The following CDK14 variants were observed in gnomAD, a reference collection of about 807,000 sequenced individuals.
CDK14 encodes cyclin dependent kinase 14, also known as cyclin-dependent kinase 14.
In CDK14, 34 loss-of-function variants were observed where a neutral mutation model predicts 60.7. The ratio of observed to expected loss-of-function variants is 0.56; its 90% CI spans 0.43 to 0.75. CDK14 has a LOEUF of 0.75. Among genes scored for constraint, CDK14 ranks in the 30% least tolerant of loss-of-function variants. The pLI is 0.00. For synonymous variants in CDK14, 197 were observed against 203.7 expected, an observed-to-expected ratio of 0.97 and a Z score of 0.28; for missense variants, 482 against 564.1, an observed-to-expected ratio of 0.85 and a Z score of 1.47.
At chr7:90,635,096 T>G (rs1422147094) in intron 2 of CDK14, among the ~76,000 whole-genome samples, 1 of 152,078 alleles carries the variant, frequency 6.6e-6, no homozygotes, top group Non-Finnish European at 1.5e-5. Flanking sequence ...CTGTTCACTC[T>G]GATGGTAGTT....
At chr7:90,657,239 G>T (rs1354802478) in intron 2 of CDK14, among the ~76,000 whole-genome samples, 1 of 152,120 alleles carries the variant, frequency 6.6e-6, no homozygotes, top group African/African-American at 2.4e-5. Context: ...CTATTGAATA[G>T]CCCAAATCAT....
At chr7:90,827,666 C>T (rs1424611110) in intron 5 of CDK14, among the ~76,000 whole-genome samples, 1 of 152,172 alleles carries the variant, frequency 6.6e-6, no homozygotes, top group Non-Finnish European at 1.5e-5. Flanking sequence ...AGGACGTTTT[C>T]TTCTTGGTTA....
intron 10 of CDK14, among the ~76,000 whole-genome samples, chr7:90,989,060 A>AG (rs1330756503): frequency 3.3e-5 from 5 of 151,904 alleles, no homozygotes; most frequent in African/African-American, 1.2e-4. Flanking sequence ...AAGCTACTAT[A>AG]GTACTCAGTC....
intron 7 of CDK14, among the ~76,000 whole-genome samples, chr7:90,904,481 G>A (rs753236939): frequency 2.7e-4 from 41 of 151,828 alleles, no homozygotes; most frequent in Non-Finnish European, 5.3e-4. Flanking sequence ...AGGAGCTCTT[G>A]GAAATTAAAA....
intron 12 of CDK14, among the ~76,000 whole-genome samples, chr7:91,083,842 C>T (rs933277688): frequency 2.0e-5 from 3 of 152,202 alleles, no homozygotes; most frequent in Admixed American, 2.0e-4. Flanking sequence ...AAAGAGAAAA[C>T]TATCTGAGTG....
intron 7 of CDK14, among the ~76,000 whole-genome samples, chr7:90,902,479 A>C (rs952182448): frequency 6.6e-6 from 1 of 152,172 alleles, no homozygotes; most frequent in African/African-American, 2.4e-5. Context: ...GATATTTGAC[A>C]GAGGTGTCAA....
intron 5 of CDK14, among the ~76,000 whole-genome samples, chr7:90,805,179 A>G (rs532007250): frequency 6.6e-6 from 1 of 152,118 alleles, no homozygotes; most frequent in Admixed American, 6.6e-5. Context: ...TTCGTAATGT[A>G]CTTGTAAACT....
At chr7:90,650,103 C>T (rs6969712) in intron 2 of CDK14, among the ~76,000 whole-genome samples, 45,501 of 152,016 alleles carry the variant, frequency 0.3, 7,117 homozygotes, top group Non-Finnish European at 0.34. Context: ...TATTTCTCCA[C>T]AGCCTCTCCA....
At chr7:90,649,078 CTG>C (rs1317378123) in intron 2 of CDK14, among the ~76,000 whole-genome samples, 1 of 152,070 alleles carries the variant, frequency 6.6e-6, no homozygotes, top group East Asian at 1.9e-4. Context: ...GGTTGGAACT[CTG>C]TAAATTATGC....
chr7:91,125,739 T>G (rs1206497417), intron 14 of CDK14, among the ~76,000 whole-genome samples: 1 of 152,172 alleles, frequency 6.6e-6, no homozygotes, highest in Non-Finnish European at 1.5e-5. Flanking sequence ...AAAATAACCC[T>G]GTATGCTAAG....
In CDK14 at chr7:90,947,073, G is replaced by A. The variant is rs986001636; in HGVS notation, c.827-8624G>A. Among the ~76,000 whole-genome samples the A allele has an allele frequency of 9.9e-5, 15 of 152,280 alleles. No homozygotes were observed. The East Asian group carries it at 2.3e-3, about 24-fold the overall frequency. ...CTTTTCCCTGCAGTATTTCCTTAAC[G>A]ATTTTCTCTTTTCTTCACAGGCTTT... On this transcript the variant is annotated intron_variant, in intron 8 of 14. Coordinates refer to ENST00000380050, the MANE Select transcript of CDK14 (RefSeq NM_001287135.2).
At chr7:91,154,548 A>G (rs1800924730) in intron 14 of CDK14, among the ~76,000 whole-genome samples, 1 of 152,184 alleles carries the variant, frequency 6.6e-6, no homozygotes, top group Non-Finnish European at 1.5e-5. Flanking sequence ...TTAAGTGGAT[A>G]TAGTATGCAG....
intron 4 of CDK14, among the ~76,000 whole-genome samples, chr7:90,756,797 A>G (rs1364764256): frequency 6.6e-6 from 1 of 152,180 alleles, no homozygotes; most frequent in East Asian, 1.9e-4. Flanking sequence ...GCCATCTTTA[A>G]ACATAATCTT....
chr7:91,062,546 C>T (rs908299806), intron 11 of CDK14, among the ~76,000 whole-genome samples: 9 of 152,082 alleles, frequency 5.9e-5, no homozygotes, highest in Non-Finnish European at 1.2e-4. Flanking sequence ...TGGCTCCACT[C>T]CCCCAGCATT....
At chr7:90,790,276 CTAAT>C (rs1328895408) in intron 4 of CDK14, among the ~76,000 whole-genome samples, 3 of 151,702 alleles carry the variant, frequency 2.0e-5, no homozygotes, top group African/African-American at 7.3e-5. Flanking sequence ...TAATCTGAGA[CTAAT>C]TATCAAGTGT....
chr7:90,815,358 C>A (rs1195433837), intron 5 of CDK14, among the ~76,000 whole-genome samples: 1 of 152,076 alleles, frequency 6.6e-6, no homozygotes, highest in Non-Finnish European at 1.5e-5. Flanking sequence ...TAAATCAAAA[C>A]CACTATGAGA....
intron 13 of CDK14, among the ~76,000 whole-genome samples, chr7:91,113,640 G>A (rs1049675540): frequency 2.6e-5 from 4 of 151,956 alleles, no homozygotes; most frequent in Non-Finnish European, 1.5e-5. Context: ...TTTATAATGT[G>A]TTTATTAATC....
intron 2 of CDK14, among the ~76,000 whole-genome samples, chr7:90,620,265 T>C (rs1799738383): frequency 1.3e-5 from 2 of 152,206 alleles, no homozygotes; most frequent in Admixed American, 6.5e-5. Context: ...TCAAATTAAT[T>C]ATCTAATTAT....
rs542506056 is a variant in CDK14 at position 91,072,409 on chromosome 7, C to T, written c.1106-7023C>T. Among the ~76,000 whole-genome samples the T allele has an allele frequency of 1.2e-4, 19 of 152,196 alleles. No homozygotes were observed. The South Asian group carries it at 3.9e-3, about 32-fold the overall frequency. Reference sequence around the variant, plus strand: ...GGGCCTGAAGTAAATGCCCAGCAAACCACAGCAGCCATACAGAAGAGGGAC... The same window carrying T: ...GGGCCTGAAGTAAATGCCCAGCAAATCACAGCAGCCATACAGAAGAGGGAC... On this transcript the variant is annotated intron_variant, in intron 11 of 14. Coordinates refer to ENST00000380050, the MANE Select transcript of CDK14 (RefSeq NM_001287135.2).
Sources: allele counts gnomAD v4.1 joint callset (sites outside exome capture counted in the v4.1 genomes callset), GRCh38; gene constraint gnomAD v4.1.1; transcripts MANE v1.5; gene names NCBI Gene and HGNC (gene_info 2026-07-23, HGNC 2026-07-21).